MTIF2: variants seen among roughly 807,000 people sequenced by gnomAD.
MTIF2 encodes mitochondrial translational initiation factor 2.
MTIF2 carries 71 observed loss-of-function variants against 83.5 expected under a neutral mutation model. The observed-to-expected ratio is 0.85, with a 90% CI of 0.70 to 1.04. The LOEUF is 1.04. MTIF2 is among the 50% of genes least tolerant of loss of function. The probability of loss-of-function intolerance (pLI) is 0.00; values close to 1 mark genes in which losing one functional copy is unlikely to be tolerated. For missense variants in MTIF2, 957 were observed against 846.5 expected (o/e 1.13, Z -1.62); for synonymous variants, 319 against 287.1 (o/e 1.11, Z -1.12).
Position 55,258,711 on chromosome 2 carries a change from C to G in MTIF2, c.331+3605G>C, listed in dbSNP as rs370319807. ...CCTGTAGTCCCAGCTACTCGGGAGGCTGAGGCAGGAGAATTGCTTGAACCC... is the reference window on the plus strand; with the variant it reads ...CCTGTAGTCCCAGCTACTCGGGAGGGTGAGGCAGGAGAATTGCTTGAACCC... On this transcript the variant is annotated intron_variant, in intron 5 of 15. Transcript: ENST00000263629. Among the ~76,000 whole-genome samples the G allele has an allele frequency of 1.1e-3, 163 of 150,624 alleles. 2 individuals carry two copies. The Middle Eastern group carries it at 0.017, about 16-fold the overall frequency.
At chr2:55,247,451 GC>G (rs1676782248) in intron 9 of MTIF2, among the ~76,000 whole-genome samples, 1 of 152,110 alleles carries the variant, frequency 6.6e-6, no homozygotes, top group Non-Finnish European at 1.5e-5. Context: ...TACTCAGGAG[GC>G]TGAGACAGGA....
At chr2:55,256,949 G>A (rs1677593802) in intron 5 of MTIF2, among the ~76,000 whole-genome samples, 1 of 151,942 alleles carries the variant, frequency 6.6e-6, no homozygotes, top group South Asian at 2.1e-4. Context: ...CTCCCACCTT[G>A]GCCTCCGAAA....
intron 9 of MTIF2, 43 bp from the exon 10 acceptor site, chr2:55,246,504 T>C: frequency 6.5e-7 from 1 of 1,545,678 alleles, no homozygotes; most frequent in Non-Finnish European, 8.9e-7. Context: ...TAATAAATAT[T>C]ATCTGTAAAT....
chr2:55,241,444 A>G (rs1422598704), intron 13 of MTIF2, among the ~76,000 whole-genome samples: 1 of 151,210 alleles, frequency 6.6e-6, no homozygotes, highest in Non-Finnish European at 1.5e-5. Context: ...ACCCAAAAAG[A>G]AAAAAAAGCA....
At chr2:55,269,054 C>A (rs891556674) in intron 1 of MTIF2, 115 bp downstream of exon 1, 5 of 152,238 alleles carry the variant, frequency 3.3e-5, no homozygotes, top group African/African-American at 1.2e-4. Flanking sequence ...GGCTTCCGAA[C>A]GCACAATGTT....
Position 55,262,406 on chromosome 2 carries a change from G to A in MTIF2, c.241C>T (p.Gln81Ter). 6.2e-7 allele frequency: 1 copy of A among 1,612,108 alleles called. No homozygotes were observed. Among genetic ancestry groups the A allele is most frequent in the Admixed American group, 1.7e-5 (1 of 59,892 alleles). Residue 81 changes from glutamine (Q) to a stop codon, truncating the protein, a stop_gained, in exon 5 of 16, where the codon CAG (glutamine) becomes TAG (stop). Transcript: ENST00000263629. LOFTEE classifies it high-confidence loss of function. ...TTTTTAGATTTTGTTGAAGATAACT[G>A]AGATTTCCATGGTCCTTCTTCCTAT... The part of the protein sequence containing the change: ...TKKEEGPWKS[Q>*]LSSTKSKKVV...
In MTIF2 at chr2:55,244,217, T is replaced by C. The variant is rs369189013; in HGVS notation, c.1123A>G (p.Ile375Val). The change falls in exon 11 of 16, where the codon ATA (isoleucine) becomes GTA (valine). Residue 375 changes from isoleucine to valine, a missense_variant. Around this residue, in one of 3 missense-constraint regions of MTIF2, gnomAD observed 733 missense variants for 648.7 expected, o/e 1.13. Coordinates refer to ENST00000263629, the MANE Select transcript of MTIF2 (RefSeq NM_002453.3). Reference protein sequence around the residue: ...DKGRGLVTTAIIQRGTLRKGS... With the variant: ...DKGRGLVTTAVIQRGTLRKGS... ...TTTCTTAAAGTTCCTCTTTGAATTATAGCTGTAGTAACAAGACTAAAATGA... is the reference window on the plus strand; with the variant it reads ...TTTCTTAAAGTTCCTCTTTGAATTACAGCTGTAGTAACAAGACTAAAATGA... 7 of 1,612,968 alleles carry C rather than the reference T, an allele frequency of 4.3e-6. No homozygotes were observed. Among genetic ancestry groups the C allele is most frequent in the Non-Finnish European group, 5.9e-6 (7 of 1,179,016 alleles).
Position 55,262,432 on chromosome 2 carries a change from T to TA in MTIF2, c.220-6dup. 1.9e-6 allele frequency: 3 copies of TA among 1,585,730 alleles called. No homozygotes were observed. Among genetic ancestry groups the TA allele is most frequent in the South Asian group, 1.1e-5 (1 of 88,176 alleles). On this transcript the variant is annotated splice_region_variant and splice_polypyrimidine_tract_variant and intron_variant, in intron 4 of 15. Coordinates refer to ENST00000263629, the MANE Select transcript of MTIF2 (RefSeq NM_002453.3). Reference sequence around the variant, plus strand: ...AGATTTCCATGGTCCTTCTTCCTATTAAAAAAATCAGAACATATAAACAAA... The same window carrying TA: ...AGATTTCCATGGTCCTTCTTCCTATTAAAAAAAATCAGAACATATAAACAAA...
At chr2:55,243,722 A>G (rs1676492177) in intron 11 of MTIF2, 54 bp from the exon 12 acceptor site, 6 of 1,565,358 alleles carry the variant, frequency 3.8e-6, no homozygotes, top group African/African-American at 1.4e-5. Context: ...TAACTGCTAG[A>G]TTAAAGCCTT....
intron 5 of MTIF2, among the ~76,000 whole-genome samples, chr2:55,258,973 T>C (rs1450405804): frequency 1.3e-5 from 2 of 151,964 alleles, no homozygotes; most frequent in African/African-American, 2.4e-5. Context: ...AGAGTGAAAC[T>C]CTGTTCAAAA....
At chr2:55,250,080 G>C (rs765187854) in intron 8 of MTIF2, among the ~76,000 whole-genome samples, 5 of 152,042 alleles carry the variant, frequency 3.3e-5, no homozygotes, top group Non-Finnish European at 7.4e-5. Flanking sequence ...GCAACAGAGC[G>C]AGACTCCATC....
chr2:55,263,679 C>A lies in MTIF2; in HGVS notation c.180G>T (p.Gly60=). Residue 60 remains glycine (G), a synonymous_variant, in exon 4 of 16, where the codon GGG becomes GGT. Transcript: ENST00000263629. ...GAAGCCTATACTGAGATAAAGCAGC[C>A]CCAGTGAGCACATCTGTTGGCCAGG... The part of the protein sequence containing the change: ...AWPWPTDVLT[G]AALSQYRLLV... The A allele has an allele frequency of 6.2e-7, 1 of 1,613,910 alleles. No homozygotes were observed. Among genetic ancestry groups the A allele is most frequent in the Admixed American group, 1.7e-5 (1 of 59,992 alleles).
chr2:55,266,808 C>A (rs1678469661), intron 3 of MTIF2, among the ~76,000 whole-genome samples: 1 of 137,270 alleles, frequency 7.3e-6, no homozygotes, highest in South Asian at 2.3e-4. Context: ...CGCTCTGTTG[C>A]CCAGGGTGGA....
chr2:55,246,412 A>G lies in MTIF2; in HGVS notation c.1031T>C (p.Met344Thr), dbSNP rs1676706100. Residue 344 changes from methionine (M) to threonine (T), a missense_variant, in exon 10 of 16, where the codon ATG (methionine) becomes ACG (threonine). By Grantham distance (81) the Met-to-Thr change is moderately conservative. Coordinates refer to ENST00000263629, the MANE Select transcript of MTIF2 (RefSeq NM_002453.3). Reference sequence around the variant, plus strand: ...ATTGGGATCTGCTTTCAATTCTAACATTTCTGCAAGAGCAACTGTTGCTTC... The same window carrying G: ...ATTGGGATCTGCTTTCAATTCTAACGTTTCTGCAAGAGCAACTGTTGCTTC... ...LAEATVALAE[M>T]LELKADPNGP... is the part of the protein sequence containing the mutation. The G allele has an allele frequency of 6.2e-7, 1 of 1,613,864 alleles. No homozygotes were observed. Among genetic ancestry groups the G allele is most frequent in the East Asian group, 2.2e-5 (1 of 44,852 alleles).
At chr2:55,238,384 G>C (rs777908808) in intron 14 of MTIF2, among the ~76,000 whole-genome samples, 4 of 123,090 alleles carry the variant, frequency 3.2e-5, no homozygotes, top group Non-Finnish European at 5.0e-5. Context: ...CTAATTCTGA[G>C]CCTGGTTTTT....
rs1339114983 is a variant in MTIF2, at chr2:55,249,453, T to A, written c.923A>T (p.Asp308Val). Residue 308 changes from aspartate to valine, a missense_variant, in exon 9 of 16, where the codon GAT becomes GTT. Transcript: ENST00000263629. ...ACCTCCATAATCTTCACATACCACATCGTAAGCCAGCAGCTCTTTTTTCAC... is the reference window on the plus strand; with the variant it reads ...ACCTCCATAATCTTCACATACCACAACGTAAGCCAGCAGCTCTTTTTTCAC... ...EKVKKELLAY[D>V]VVCEDYGGDV... 1.2e-6 allele frequency: 2 copies of A among 1,614,142 alleles called. No individual in the cohort carries two copies. Among genetic ancestry groups the A allele is most frequent in the South Asian group, 2.2e-5 (2 of 91,084 alleles).
At chr2:55,252,907 C>G (rs1161931469) in intron 7 of MTIF2, among the ~76,000 whole-genome samples, 1 of 152,140 alleles carries the variant, frequency 6.6e-6, no homozygotes, top group Non-Finnish European at 1.5e-5. Flanking sequence ...TAACTACTTT[C>G]ATAAATGTAT....
rs1484302888 is a variant in MTIF2, at chr2:55,262,415, A to C, written c.232T>G (p.Trp78Gly). Residue 78 changes from tryptophan to glycine, a missense_variant, in exon 5 of 16, where the codon TGG (tryptophan) becomes GGG (glycine). Coordinates refer to ENST00000263629, the MANE Select transcript of MTIF2 (RefSeq NM_002453.3). Reference protein sequence around the residue: ...LLVTKKEEGPWKSQLSSTKSK... With the variant: ...LLVTKKEEGPGKSQLSSTKSK... ...TTTGTTGAAGATAACTGAGATTTCC[A>C]TGGTCCTTCTTCCTATTAAAAAAAT... The C allele has an allele frequency of 5.0e-6, 8 of 1,610,202 alleles. No homozygotes were observed. Among genetic ancestry groups the C allele is most frequent in the Non-Finnish European group, 6.8e-6 (8 of 1,177,136 alleles).
At chr2:55,258,129 T>C (rs1677685791) in intron 5 of MTIF2, among the ~76,000 whole-genome samples, 1 of 152,110 alleles carries the variant, frequency 6.6e-6, no homozygotes, top group Admixed American at 6.6e-5. Context: ...TGTGACTTAA[T>C]TTTTTTAAAT....
Sources: allele counts gnomAD v4.1 joint callset (sites outside exome capture counted in the v4.1 genomes callset), GRCh38; gene constraint gnomAD v4.1.1; regional missense constraint gnomAD v4.1.1; transcripts MANE v1.5; gene names NCBI Gene and HGNC (gene_info 2026-07-23, HGNC 2026-07-21).